Variants in FLT3 observed in about 807,000 individuals in gnomAD.
FLT3 encodes the protein receptor-type tyrosine-protein kinase FLT3.
Under a neutral mutation model 126.6 loss-of-function variants are expected in FLT3, and 46 were observed. The ratio of observed to expected loss-of-function variants is 0.36; its 90% CI spans 0.29 to 0.46. The LOEUF (loss-of-function observed/expected upper bound fraction) is 0.46, where lower values mean the gene tolerates loss of function less well. FLT3 is among the 20% of genes least tolerant of loss of function. The pLI is 1.00. For missense variants in FLT3, 1,069 were observed against 1,190.3 expected (o/e 0.90, Z 1.50); for synonymous variants, 404 against 434.4 (o/e 0.93, Z 0.87).
At chr13:28,049,584 A>T (rs1377688602) in intron 7 of FLT3, 47 bp from the exon 8 acceptor site, 1 of 1,613,024 alleles carries the variant, frequency 6.2e-7, no homozygotes, top group South Asian at 1.1e-5. Flanking sequence ...TTCAATCCAG[A>T]CTATTAGTTA....
At chr13:28,074,931 G>C (rs9513030) in intron 1 of FLT3, among the ~76,000 whole-genome samples, 80,514 of 151,954 alleles carry the variant, frequency 0.53, 22,825 homozygotes, top group East Asian at 0.74. Context: ...ACTGCGCTCA[G>C]CCCTCATTGT....
In FLT3 at chr13:28,049,466, T is replaced by C. The variant is rs1333638816; in HGVS notation, c.954A>G (p.Ser318=). The change falls in exon 8 of 24, where the codon TCA becomes TCG. Residue 318 remains serine (S), a synonymous_variant. Transcript: ENST00000241453. ...TMIRILFAFV[S]SVARNDTGYY... ...ATCCGGTGTCGTTTCTTGCCACTGATGATACAAAAGCAAACAGAATCCGTA... is the reference window on the plus strand; with the variant it reads ...ATCCGGTGTCGTTTCTTGCCACTGACGATACAAAAGCAAACAGAATCCGTA... 1 of 1,613,370 alleles carries C rather than the reference T, an allele frequency of 6.2e-7. No individual in the cohort carries two copies. The highest frequency in any genetic ancestry group is 8.5e-7 in the Non-Finnish European group (1 of 1,179,656).
At chr13:28,032,864 A>G (rs1482820575) in intron 15 of FLT3, among the ~76,000 whole-genome samples, 1 of 152,208 alleles carries the variant, frequency 6.6e-6, no homozygotes, top group Non-Finnish European at 1.5e-5. Flanking sequence ...AAAAATATCC[A>G]TTAGGCTTGG....
At chr13:28,025,153 C>CAA (rs1872698072) in intron 17 of FLT3, 2 of 561,528 alleles carry the variant, frequency 3.6e-6, no homozygotes, top group South Asian at 4.7e-5. Context: ...TCCCTGTTTT[C>CAA]CATATAGAAT....
At chr13:28,035,054 T>A (rs1873706723) in intron 12 of FLT3, among the ~76,000 whole-genome samples, 1 of 152,168 alleles carries the variant, frequency 6.6e-6, no homozygotes, top group South Asian at 2.1e-4. Flanking sequence ...GTCAGTTTTG[T>A]GAGGTTGGTG....
intron 1 of FLT3, among the ~76,000 whole-genome samples, chr13:28,097,510 ATC>A: frequency 6.6e-6 from 1 of 151,518 alleles, no homozygotes; most frequent in African/African-American, 2.4e-5. Context: ...TAAAAAGTTA[ATC>A]CATTTTTAAT....
chr13:28,028,382 G>T, intron 15 of FLT3, 94 bp from the exon 16 acceptor site: 1 of 675,474 alleles, frequency 1.5e-6, no homozygotes, highest in Non-Finnish European at 2.6e-6. Context: ...GAGTCAATCT[G>T]CATTATTTAT....
intron 5 of FLT3, 26 bp downstream of exon 5, chr13:28,052,519 T>C (rs1365730603): frequency 1.9e-6 from 3 of 1,592,824 alleles, no homozygotes; most frequent in African/African-American, 2.7e-5. Flanking sequence ...ATTATGAGAA[T>C]AGCAGCTACC....
At chr13:28,056,713 C>T in intron 4 of FLT3, among the ~76,000 whole-genome samples, 1 of 152,224 alleles carries the variant, frequency 6.6e-6, no homozygotes, top group East Asian at 1.9e-4. Flanking sequence ...CGCTGTCCAA[C>T]ACAGTAGCCC....
chr13:28,020,665 T>C (rs12430881), intron 19 of FLT3, among the ~76,000 whole-genome samples: 41,523 of 151,944 alleles, frequency 0.27, 6,574 homozygotes, highest in African/African-American at 0.43. Context: ...ATCTTCGACT[T>C]GCATGTCTGC....
chr13:28,049,507 T>C lies in FLT3; in HGVS notation c.913A>G (p.Thr305Ala), dbSNP rs1482272458. The C allele has an allele frequency of 6.2e-7, 1 of 1,614,012 alleles. No individual in the cohort carries two copies. The highest frequency in any genetic ancestry group is 1.1e-5 in the South Asian group (1 of 91,056). ...AGAATCCGTATCATAGTTCTGTTTG[T>C]TGAATAGGTACTCATCTCAAAGTAG... ...GNYFEMSTYS[T>A]NRTMIRILFA... The change falls in exon 8 of 24, where the codon ACA becomes GCA. Residue 305 changes from threonine to alanine, a missense_variant. Physicochemically the swap from Thr to Ala is moderately conservative, Grantham distance 58 (BLOSUM62 0). Coordinates refer to ENST00000241453, the MANE Select transcript of FLT3 (RefSeq NM_004119.3).
intron 17 of FLT3, chr13:28,025,491 G>A: frequency 2.7e-6 from 1 of 364,170 alleles, no homozygotes; most frequent in Non-Finnish European, 5.4e-6. Context: ...GAGCTCTGTA[G>A]GAATTATAAG....
At chr13:28,046,107 T>C (rs1874852507) in intron 9 of FLT3, among the ~76,000 whole-genome samples, 1 of 152,080 alleles carries the variant, frequency 6.6e-6, no homozygotes, top group African/African-American at 2.4e-5. Flanking sequence ...CAACAAAGAA[T>C]TATCCAGCTC....
At chr13:28,073,374 T>C (rs1345280387) in intron 1 of FLT3, 5 of 421,172 alleles carry the variant, frequency 1.2e-5, no homozygotes, top group Admixed American at 9.1e-5. Flanking sequence ...AAAAAAGCAT[T>C]TTTTACTGTC....
At chr13:28,049,092 A>G (rs906809731) in intron 8 of FLT3, among the ~76,000 whole-genome samples, 2 of 152,188 alleles carry the variant, frequency 1.3e-5, no homozygotes, top group African/African-American at 2.4e-5. Context: ...GGATAGAATG[A>G]GTTGTTCTTG....
chr13:28,070,991 C>CTTTCTACCT (rs1877455189), intron 1 of FLT3, among the ~76,000 whole-genome samples: 5 of 90,890 alleles, frequency 5.5e-5, no homozygotes, highest in Non-Finnish European at 9.6e-5. Context: ...AGATTTCTAC[C>CTTTCTACCT]TTTTTTTTTT....
At chr13:28,053,467 C>T (rs1205360698) in intron 4 of FLT3, among the ~76,000 whole-genome samples, 6 of 149,690 alleles carry the variant, frequency 4.0e-5, no homozygotes, top group African/African-American at 1.3e-4. Context: ...CAAATACCCA[C>T]GGAGCCACTA....
At position 28,094,832 on chromosome 13, in the gene FLT3, A is replaced by G. The variant is rs548668939; in HGVS notation, c.43+5636T>C. ...TATATTATTTTAAAATTTCCTTCAC[A>G]TGTGTTGGTACTCATAGAACAGAAT... On this transcript the variant is annotated intron_variant, in intron 1 of 23. Transcript: ENST00000241453. Among the ~76,000 whole-genome samples the G allele has an allele frequency of 3.2e-4, 49 of 152,128 alleles. 1 individual carries two copies. The highest frequency in any genetic ancestry group is 6.0e-4 in the Non-Finnish European group (41 of 68,026).
chr13:28,061,980 T>C lies in FLT3; in HGVS notation c.255A>G (p.Val85=), dbSNP rs1312608691. The C allele has an allele frequency of 1.2e-6, 2 of 1,613,708 alleles. No homozygotes were observed. The highest frequency in any genetic ancestry group is 2.2e-5 in the South Asian group (2 of 91,052). Residue 85 remains valine (V), a synonymous_variant, in exon 3 of 24, where the codon GTA becomes GTG. Transcript: ENST00000241453. ...GCACTTGCAGTGTGATGGAAGCAGA[T>C]ACATCCACTTCCACAGCGGCAGCTT... ...VYEAAAVEVD[V]SASITLQVLV... is the part of the protein sequence containing the mutation.
Sources: gnomAD v4.1 joint callset for allele counts (sites outside exome capture counted in the v4.1 genomes callset) on GRCh38, gnomAD v4.1.1 for gene constraint, MANE v1.5 for transcripts, NCBI Gene and HGNC (gene_info 2026-07-23, HGNC 2026-07-21) for gene names.